Variants in CDH26 observed in about 807,000 individuals in gnomAD.
The protein encoded by CDH26 is cadherin 26, also known as cadherin-like protein 26.
A neutral mutation model predicts 90.3 loss-of-function variants in CDH26; 83 were observed. The ratio of observed to expected loss-of-function variants is 0.92; its 90% CI spans 0.77 to 1.10. The LOEUF is 1.10. CDH26 is among the 50% of genes least tolerant of loss of function. CDH26 has a pLI of 0.00. For synonymous variants in CDH26, 397 were observed against 396.3 expected, an observed-to-expected ratio of 1.00 and a Z score of -0.02; for missense variants, 1,013 against 1,037.6, an observed-to-expected ratio of 0.98 and a Z score of 0.33.
chr20:59,989,265 A>G, intron 9 of CDH26, 102 bp downstream of exon 9: 1 of 1,472,430 alleles, frequency 6.8e-7, no homozygotes, highest in Non-Finnish European at 9.2e-7. Context: ...GCGGTGGCTC[A>G]CGCCTGTAAT....
At position 59,997,336 on chromosome 20, in the gene CDH26, A is replaced by C. The variant is rs142355908; in HGVS notation, c.2019+575A>C. ...CAGAAAGCTCACTGCCCTTGGAGGT[A>C]CAAGGCCTAGGCTCTGTTTCTGCTT... On this transcript the variant is annotated intron_variant, in intron 13 of 17. Coordinates refer to ENST00000348616, the MANE Select transcript of CDH26 (RefSeq NM_177980.4). Among the ~76,000 whole-genome samples, 745 of 152,376 alleles carry C rather than the reference A, an allele frequency of 4.9e-3. 8 individuals are homozygous for C. The highest frequency in any genetic ancestry group is 0.017 in the African/African-American group (720 of 41,596).
Position 59,995,927 on chromosome 20 carries a change from G to A in CDH26, c.1761G>A (p.Lys587=), listed in dbSNP as rs775115668. 3.1e-6 allele frequency: 5 copies of A among 1,614,132 alleles called. No individual in the cohort carries two copies. In the African/African-American group the frequency reaches 5.3e-5, roughly 17 times the overall value. Residue 587 remains lysine (K), a synonymous_variant, in exon 12 of 18, where the codon AAG becomes AAA. Coordinates refer to ENST00000348616, the MANE Select transcript of CDH26 (RefSeq NM_177980.4). ...GAGACAAACAGGGACTTTCCCAGAA[G>A]CAAACTGTCCATGTAAGGATCTGCC... ...FIGDKQGLSQ[K]QTVHVRICPC...
rs1463821268 is a variant in CDH26, at chr20:59,989,182, G to C, written c.1283+19G>C. 6 of 1,612,686 alleles carry C rather than the reference G, an allele frequency of 3.7e-6. No individual in the cohort carries two copies. Among genetic ancestry groups the C allele is most frequent in the Non-Finnish European group, 5.1e-6 (6 of 1,179,024 alleles). Reference sequence around the variant, plus strand: ...AGATAAGGTGAGAAGAGAGGGCCAAGAAGGGCGGTTGTTTAAGTGGAAATA... The same window carrying C: ...AGATAAGGTGAGAAGAGAGGGCCAACAAGGGCGGTTGTTTAAGTGGAAATA... On this transcript the variant is annotated intron_variant, in intron 9 of 17. Coordinates refer to ENST00000348616, the MANE Select transcript of CDH26 (RefSeq NM_177980.4).
intron 4 of CDH26, among the ~76,000 whole-genome samples, chr20:59,977,227 C>A (rs565727480): frequency 2.0e-5 from 3 of 152,236 alleles, no homozygotes; most frequent in Admixed American, 6.5e-5. Context: ...CTGCAATAAA[C>A]CTTTTTACCC....
At chr20:60,026,574 C>T (rs1260272091) in intron 7 of CDH26, among the ~76,000 whole-genome samples, 3 of 152,194 alleles carry the variant, frequency 2.0e-5, no homozygotes, top group Admixed American at 6.5e-5. Flanking sequence ...CATCCCCTCA[C>T]CCCACTGGTG....
chr20:59,978,661 A>C (rs988659009), intron 4 of CDH26, among the ~76,000 whole-genome samples: 4 of 152,124 alleles, frequency 2.6e-5, no homozygotes, highest in African/African-American at 9.7e-5. Flanking sequence ...GGTGTGAGCC[A>C]CCACGCCCGA....
chr20:60,002,868 T>C lies in CDH26; in HGVS notation c.2220+2T>C, dbSNP rs143695354. On this transcript the variant is annotated splice_donor_variant, in intron 16 of 17. Transcript: ENST00000348616. LOFTEE classifies it high-confidence loss of function. ...GTGAAAAACATACACTCTACTCCTG[T>C]AAGTATAGATGTAGGTGTTACCGTG... The C allele has an allele frequency of 9.5e-6, 15 of 1,582,888 alleles. No individual in the cohort carries two copies. The highest frequency in any genetic ancestry group is 1.2e-5 in the Non-Finnish European group (14 of 1,159,968).
intron 7 of CDH26, among the ~76,000 whole-genome samples, chr20:60,027,278 T>C (rs2062005352): frequency 6.6e-6 from 1 of 152,138 alleles, no homozygotes; most frequent in Non-Finnish European, 1.5e-5. Context: ...AGGGTCACAT[T>C]TGAATCTCTG....
chr20:60,018,038 C>T (rs1043843008), downstream of CDH26, among the ~76,000 whole-genome samples: 2 of 151,960 alleles, frequency 1.3e-5, no homozygotes, highest in East Asian at 3.8e-4. Flanking sequence ...ATGGCCTCTC[C>T]TGGAGAAAGT....
chr20:60,009,368 A>T (rs182843339), intron 17 of CDH26, among the ~76,000 whole-genome samples: 200 of 152,274 alleles, frequency 1.3e-3, no homozygotes, highest in African/African-American at 4.6e-3. Flanking sequence ...TCATGTCTCT[A>T]CAGAAAACGT....
intron 17 of CDH26, among the ~76,000 whole-genome samples, chr20:60,011,789 G>A (rs1159726554): frequency 6.6e-6 from 1 of 152,098 alleles, no homozygotes; most frequent in African/African-American, 2.4e-5. Context: ...TGTAGGTTGT[G>A]GGCAAAACCA....
At chr20:60,012,169 C>T (rs1035523922) in intron 17 of CDH26, among the ~76,000 whole-genome samples, 3 of 151,734 alleles carry the variant, frequency 2.0e-5, no homozygotes, top group Non-Finnish European at 4.4e-5. Context: ...GTTGTCCAAA[C>T]GAGGGCCGGG....
At position 60,012,584 on chromosome 20, in the gene CDH26, A is replaced by T. The variant is rs775147443; in HGVS notation, c.2353A>T (p.Ser785Cys). 3 of 1,613,888 alleles carry T rather than the reference A, an allele frequency of 1.9e-6. No homozygotes were observed. Among genetic ancestry groups the T allele is most frequent in the Non-Finnish European group, 2.5e-6 (3 of 1,179,950 alleles). Residue 785 changes from serine (S) to cysteine (C), a missense_variant, in exon 18 of 18, where the codon AGC (serine) becomes TGC (cysteine). By Grantham distance (112) the Ser-to-Cys change is moderately radical (BLOSUM62 -1). Coordinates refer to ENST00000348616, the MANE Select transcript of CDH26 (RefSeq NM_177980.4). ...CCCCGGCTACCTACCTCACGTCTAC[A>T]GCGAGGAAGGGGAGTGTGGAGGGGC... is the stretch of plus-strand genomic sequence containing the variant. The part of the protein sequence containing the change: ...DDPGYLPHVY[S>C]EEGECGGAPS...
chr20:59,994,546 A>G, intron 11 of CDH26, 57 bp downstream of exon 11: 2 of 1,596,108 alleles, frequency 1.3e-6, no homozygotes, highest in Non-Finnish European at 1.7e-6. Context: ...ATCCAATTCA[A>G]ACAGATTTAG....
Position 59,958,689 on chromosome 20 carries a change from T to A in CDH26, c.-38T>A, listed in dbSNP as rs6071043. ...GACCACCAGCTTGGAGGACTGGTCA[T>A]CAGCTGCACGTTCTGGGTCTGTCTT... On this transcript the variant is annotated 5_prime_UTR_variant, in exon 1 of 18. Coordinates refer to ENST00000348616, the MANE Select transcript of CDH26 (RefSeq NM_177980.4). 2.9e-5 allele frequency: 47 copies of A among 1,605,710 alleles called. No homozygotes were observed. The highest frequency in any genetic ancestry group is 1.2e-4 in the Admixed American group (7 of 59,944).
chr20:60,003,201 A>G lies in CDH26; in HGVS notation c.2220+335A>G, dbSNP rs917821748. On this transcript the variant is annotated intron_variant, in intron 16 of 17. Transcript: ENST00000348616. ...TTGAGCTAAGGGGGTCTTAGACATC[A>G]TCTAGTCAATTTTTTTTTCTAAATA... 2.6e-5 allele frequency among the ~76,000 whole-genome samples: 4 copies of G among 152,314 alleles called. No individual in the cohort carries two copies. In the East Asian group the frequency reaches 7.7e-4, roughly 29 times the overall value.
chr20:60,001,021 C>T (rs1426687752), intron 14 of CDH26, among the ~76,000 whole-genome samples: 1 of 152,162 alleles, frequency 6.6e-6, no homozygotes, highest in Non-Finnish European at 1.5e-5. Context: ...AACAGTTTCA[C>T]CTGTGAGTGT....
intron 8 of CDH26, 55 bp from the exon 9 acceptor site, chr20:59,988,849 T>C: frequency 6.3e-7 from 1 of 1,587,440 alleles, no homozygotes; most frequent in Non-Finnish European, 8.6e-7. Flanking sequence ...GCGCTGGGCT[T>C]CCTCTGGCCA....
chr20:59,975,251 C>T (rs1285480127), intron 4 of CDH26, among the ~76,000 whole-genome samples: 1 of 152,044 alleles, frequency 6.6e-6, no homozygotes, highest in African/African-American at 2.4e-5. Context: ...AACCCAGTGA[C>T]CAGTATTTTT....
Sources: gnomAD v4.1 joint callset for allele counts (sites outside exome capture counted in the v4.1 genomes callset) on GRCh38, gnomAD v4.1.1 for gene constraint, MANE v1.5 for transcripts, NCBI Gene and HGNC (gene_info 2026-07-23, HGNC 2026-07-21) for gene names.